ATP13A1: variants seen among roughly 807,000 people sequenced by gnomAD.
ATP13A1 encodes endoplasmic reticulum transmembrane helix translocase.
A neutral mutation model predicts 134.8 loss-of-function variants in ATP13A1; 55 were observed. The observed-to-expected ratio is 0.41, with a 90% CI of 0.33 to 0.51. ATP13A1 has a LOEUF of 0.51. Among genes scored for constraint, ATP13A1 ranks in the 20% least tolerant of loss-of-function variants. ATP13A1 has a pLI of 0.29. For synonymous variants in ATP13A1, 775 were observed against 725.1 expected (o/e 1.07, Z -1.10); for missense variants, 1,389 against 1,652.8 (o/e 0.84, Z 2.77).
intron 3 of ATP13A1, 49 bp downstream of exon 3, chr19:19,659,552 G>A (rs779814678): frequency 5.9e-6 from 9 of 1,514,782 alleles, no homozygotes; most frequent in Admixed American, 1.8e-5. Flanking sequence ...GAATCAGGAG[G>A]GGAGCAGGAC....
rs1434465663 is a variant in ATP13A1 at position 19,655,106 on chromosome 19, C to T, written c.1655+13G>A. On this transcript the variant is annotated intron_variant, in intron 12 of 25. Transcript: ENST00000357324. The surrounding 1 kb of genome is among the most constrained non-coding windows in gnomAD (Gnocchi z 5.7). ...ATCTGGGTGACCTTTGCTGCAGGGC[C>T]CCTGATGCTTACCTCAGCCCGGCCA... 9.9e-6 allele frequency: 16 copies of T among 1,613,298 alleles called. No homozygotes were observed. Among genetic ancestry groups the T allele is most frequent in the African/African-American group, 1.3e-5 (1 of 74,908 alleles).
intron 22 of ATP13A1, chr19:19,646,659 T>G: frequency 2.4e-6 from 1 of 412,246 alleles, no homozygotes; most frequent in East Asian, 4.3e-5. Flanking sequence ...GCCCAGCCAA[T>G]CTCCCACCCC....
At chr19:19,658,797 A>T (rs1414993360) in intron 3 of ATP13A1, among the ~76,000 whole-genome samples, 2 of 152,196 alleles carry the variant, frequency 1.3e-5, no homozygotes, top group East Asian at 3.8e-4. Flanking sequence ...CGTAGACTCG[A>T]AACAGTGAGG....
intron 19 of ATP13A1, among the ~76,000 whole-genome samples, chr19:19,648,664 ATG>A (rs1345902871): frequency 6.9e-5 from 10 of 144,156 alleles, no homozygotes; most frequent in East Asian, 6.4e-4. Flanking sequence ...CAAAAATTAG[ATG>A]GGCATGGTGG....
Position 19,653,058 on chromosome 19 carries a change from T to A in ATP13A1, c.2101-338A>T, listed in dbSNP as rs2062034989. On this transcript the variant is annotated intron_variant, in intron 15 of 25. Transcript: ENST00000357324. The surrounding 1 kb of genome is among the most constrained non-coding windows in gnomAD (Gnocchi z 4.2). ...ATGTTGGAGTTTAGCCAGGAACTCT[T>A]ACTCACTGGGGCTCCACCACATACC... 5 of 283,792 alleles carry A rather than the reference T, an allele frequency of 1.8e-5. No homozygotes were observed. In the Admixed American group the frequency reaches 1.9e-4, roughly 11 times the overall value. The allele number at this position is 283,792 out of a possible 1,614,324, so 17.6% of individuals were successfully genotyped here.
chr19:19,656,292 C>T lies in ATP13A1; in HGVS notation c.1084-109G>A. 2 of 1,446,472 alleles carry T rather than the reference C, an allele frequency of 1.4e-6. No homozygotes were observed. Among genetic ancestry groups the T allele is most frequent in the Non-Finnish European group, 1.9e-6 (2 of 1,078,534 alleles). 89.6% of individuals were successfully genotyped at this position (1,446,472 alleles called of 1,614,324 possible). A position where few individuals can be genotyped will look rare whatever the true frequency, so the allele number is the denominator to read the frequency against. Reference sequence around the variant, plus strand: ...GGCTGGAATGAGCCAGGGGGATCCCCACCCGACCAATACATCCCACCCAGC... The same window carrying T: ...GGCTGGAATGAGCCAGGGGGATCCCTACCCGACCAATACATCCCACCCAGC... On this transcript the variant is annotated intron_variant, in intron 7 of 25. Transcript: ENST00000357324. The surrounding 1 kb of genome is among the most constrained non-coding windows in gnomAD (Gnocchi z 4.6).
At chr19:19,649,126 A>C (rs929694691) in intron 19 of ATP13A1, among the ~76,000 whole-genome samples, 1 of 152,094 alleles carries the variant, frequency 6.6e-6, no homozygotes, top group African/African-American at 2.4e-5. Context: ...CGTCAAAAAA[A>C]AAAAAGACAG....
chr19:19,657,433 G>A, intron 3 of ATP13A1, 25 bp from the exon 4 acceptor site: 6 of 1,554,282 alleles, frequency 3.9e-6, no homozygotes, highest in Non-Finnish European at 5.2e-6. Flanking sequence ...GCCCCATCCT[G>A]TTCCCAGGGC....
Position 19,649,738 on chromosome 19 carries a change from T to TA in ATP13A1, c.2535+2dup. ...CCCCTGACCCCTAGGGCTGTGCACATACCTTCTGCTTGGGAGCCACACGGG... is the reference window on the plus strand; with the variant it reads ...CCCCTGACCCCTAGGGCTGTGCACATAACCTTCTGCTTGGGAGCCACACGGG... On this transcript the variant is annotated splice_region_variant and intron_variant, in intron 18 of 25. Coordinates refer to ENST00000357324, the MANE Select transcript of ATP13A1 (RefSeq NM_020410.3). 6.2e-7 allele frequency: 1 copy of TA among 1,604,786 alleles called. No individual in the cohort carries two copies. Among genetic ancestry groups the TA allele is most frequent in the Non-Finnish European group, 8.5e-7 (1 of 1,174,056 alleles).
intron 1 of ATP13A1, among the ~76,000 whole-genome samples, chr19:19,660,971 C>T (rs551738118): frequency 1.2e-3 from 175 of 148,140 alleles, no homozygotes; most frequent in Non-Finnish European, 2.1e-3. Context: ...CTCAGCTACT[C>T]GGGAGGCTGA....
chr19:19,660,086 T>C, intron 1 of ATP13A1, 99 bp from the exon 2 acceptor site: 1 of 971,604 alleles, frequency 1.0e-6, no homozygotes, highest in Middle Eastern at 3.2e-4. Context: ...TATGGGTATA[T>C]TCTGAAATGC....
rs780148950 is a variant in ATP13A1 at position 19,655,922 on chromosome 19, C to A, written c.1225G>T (p.Gly409Trp). 5 of 1,600,610 alleles carry A rather than the reference C, an allele frequency of 3.1e-6. 1 individual carries two copies. In the South Asian group the frequency reaches 5.6e-5, roughly 18 times the overall value. The change falls in exon 9 of 26, where the codon GGG becomes TGG. Residue 409 changes from glycine (G) to tryptophan (W), a missense_variant. Coordinates refer to ENST00000357324, the MANE Select transcript of ATP13A1 (RefSeq NM_020410.3). This position sits in a 1 kb window ranked among gnomAD's most constrained non-coding sequence, Gnocchi z 5.7. ...GTCCGCAGGACGTAGGCCACGCACC[C>A]GCTGTCAACCGCTGGGGAGAGAAGC... ...ATTGLKPVDS[G>W]CVAYVLRTGF... is the part of the protein sequence containing the mutation.
chr19:19,651,538 G>A (rs953639343), intron 17 of ATP13A1, 151 bp downstream of exon 17: 10 of 558,024 alleles, frequency 1.8e-5, no homozygotes, highest in Non-Finnish European at 2.8e-5. Flanking sequence ...GCTGTCCGAG[G>A]TGCCCAGTGG....
chr19:19,659,873 CA>C, intron 2 of ATP13A1, 24 bp downstream of exon 2: 2 of 1,588,228 alleles, frequency 1.3e-6, no homozygotes, highest in Non-Finnish European at 1.7e-6. Flanking sequence ...GCCCCTCCTC[CA>C]GGAGCCCAGC....
Position 19,656,963 on chromosome 19 carries a change from C to G in ATP13A1, c.906+31G>C. The G allele has an allele frequency of 6.2e-7, 1 of 1,604,472 alleles. No homozygotes were observed. The highest frequency in any genetic ancestry group is 8.5e-7 in the Non-Finnish European group (1 of 1,175,708). Reference sequence around the variant, plus strand: ...GCACAGAAGCCGCACCTGTGCTGCACCCCCAACCTGGGTCTCCCTGGCAGC... The same window carrying G: ...GCACAGAAGCCGCACCTGTGCTGCAGCCCCAACCTGGGTCTCCCTGGCAGC... On this transcript the variant is annotated intron_variant, in intron 5 of 25. Coordinates refer to ENST00000357324, the MANE Select transcript of ATP13A1 (RefSeq NM_020410.3). The surrounding 1 kb of genome is among the most constrained non-coding windows in gnomAD (Gnocchi z 4.6).
intron 1 of ATP13A1, among the ~76,000 whole-genome samples, chr19:19,661,089 A>G (rs1471914669): frequency 6.6e-6 from 1 of 151,986 alleles, no homozygotes; most frequent in Non-Finnish European, 1.5e-5. Context: ...AAAAACAAAC[A>G]AACAAACAAA....
Position 19,654,565 on chromosome 19 carries a change from G to A in ATP13A1, c.1791C>T (p.Ala597=), listed in dbSNP as rs778006330. ...CACCTTTGGTCAGCGTCCAGTCCAC[G>A]GCCGTCAGCATGGCCTTCTCTAGAG... is the stretch of plus-strand genomic sequence containing the variant. ...GDPLEKAMLT[A]VDWTLTKDEK... The change falls in exon 13 of 26, where the codon GCC becomes GCT. Residue 597 remains alanine, a synonymous_variant. Transcript: ENST00000357324. 9 of 1,611,492 alleles carry A rather than the reference G, an allele frequency of 5.6e-6. No individual in the cohort carries two copies. The highest frequency in any genetic ancestry group is 1.3e-5 in the African/African-American group (1 of 74,908).
chr19:19,657,249 C>T, intron 4 of ATP13A1, 87 bp downstream of exon 4: 1 of 1,494,048 alleles, frequency 6.7e-7, no homozygotes, highest in South Asian at 1.3e-5. Flanking sequence ...GAGAGGCTTC[C>T]AGGTTTAGAA....
At chr19:19,654,273 A>C (rs2062043187) in intron 13 of ATP13A1, 129 bp from the exon 14 acceptor site, 1 of 1,101,214 alleles carries the variant, frequency 9.1e-7, no homozygotes, top group Non-Finnish European at 1.3e-6. Context: ...TCTGGGCTAG[A>C]GCAGGTGTTG....
Sources: allele counts gnomAD v4.1 joint callset (sites outside exome capture counted in the v4.1 genomes callset), GRCh38; gene constraint gnomAD v4.1.1; non-coding constraint Gnocchi (gnomAD v3.1); transcripts MANE v1.5; gene names NCBI Gene and HGNC (gene_info 2026-07-23, HGNC 2026-07-21).